CD44: variants seen among roughly 807,000 people sequenced by gnomAD.
CD44 encodes CD44 antigen.
In CD44, 49 loss-of-function variants were observed where a neutral mutation model predicts 88.8. That is an observed-to-expected ratio of 0.55 (90% CI 0.44 to 0.70). The LOEUF (loss-of-function observed/expected upper bound fraction) is 0.70, where lower values mean the gene tolerates loss of function less well. CD44 is among the 30% of genes least tolerant of loss of function. The pLI, the probability that CD44 is intolerant of heterozygous loss-of-function variation, is 0.00. For missense variants in CD44, 883 were observed against 913.8 expected, an observed-to-expected ratio of 0.97 and a Z score of 0.43; for synonymous variants, 325 against 312.3, an observed-to-expected ratio of 1.04 and a Z score of -0.43.
intron 16 of CD44, 124 bp from the exon 17 acceptor site, chr11:35,221,530 G>C: frequency 2.5e-6 from 2 of 803,146 alleles, no homozygotes; most frequent in Non-Finnish European, 2.2e-6. Context: ...GGACCTATTG[G>C]CCAGACCCCC....
intron 1 of CD44, among the ~76,000 whole-genome samples, chr11:35,157,763 G>A (rs1422116360): frequency 6.6e-6 from 1 of 152,196 alleles, no homozygotes; most frequent in Non-Finnish European, 1.5e-5. Flanking sequence ...CTGAACACAT[G>A]CAACATCTGC....
intron 1 of CD44, among the ~76,000 whole-genome samples, chr11:35,171,398 G>A (rs1943869897): frequency 6.6e-6 from 1 of 152,200 alleles, no homozygotes; most frequent in Admixed American, 6.5e-5. Flanking sequence ...CAAGATAAAT[G>A]TAAGCTGTGG....
In CD44 at chr11:35,206,257, A is replaced by C; in HGVS notation, c.1414+14A>C. The stretch of plus-strand genomic sequence containing the variant: ...GAAGAAGGATGGGTAATAGCCTCTG[A>C]GATTTTTATATATTATGTTTTTTGA... On this transcript the variant is annotated intron_variant, in intron 11 of 17. Coordinates refer to ENST00000428726, the MANE Select transcript of CD44 (RefSeq NM_000610.4). 1 of 1,583,722 alleles carries C rather than the reference A, an allele frequency of 6.3e-7. No homozygotes were observed. The highest frequency in any genetic ancestry group is 8.6e-7 in the Non-Finnish European group (1 of 1,169,286).
chr11:35,219,475 C>T, intron 16 of CD44, 88 bp downstream of exon 16: 4 of 867,126 alleles, frequency 4.6e-6, no homozygotes, highest in Admixed American at 3.9e-5. Flanking sequence ...CATTTGAAAG[C>T]ACATTCTCCA....
At chr11:35,206,358 C>A (rs889788011) in intron 11 of CD44, 115 bp downstream of exon 11, 7 of 1,038,746 alleles carry the variant, frequency 6.7e-6, no homozygotes, top group Non-Finnish European at 8.2e-6. Flanking sequence ...TCCTGAAGGA[C>A]CTGAGGTTCT....
Position 35,211,342 on chromosome 11 carries a change from A to C in CD44, c.1703A>C (p.Lys568Thr). Residue 568 changes from lysine (K) to threonine (T), a missense_variant, in exon 14 of 18, where the codon AAG becomes ACG. Lys to Thr is a moderately conservative substitution (Grantham distance 78). Transcript: ENST00000428726. The part of the protein sequence containing the change: ...EGYTSHYPHT[K>T]ESRTFIPVTS... ...TATACCTCTCATTACCCACACACGA[A>C]GGAAAGCAGGACCTTCATCCCAGTG... 1 of 1,614,018 alleles carries C rather than the reference A, an allele frequency of 6.2e-7. No homozygotes were observed. Among genetic ancestry groups the C allele is most frequent in the Admixed American group, 1.7e-5 (1 of 60,024 alleles).
chr11:35,193,091 A>C (rs1228070140), intron 5 of CD44, among the ~76,000 whole-genome samples: 2 of 152,052 alleles, frequency 1.3e-5, no homozygotes, highest in Non-Finnish European at 2.9e-5. Context: ...TGGAGGCTTC[A>C]TGGGTAAAAT....
chr11:35,205,331 A>G (rs191114169), intron 10 of CD44, among the ~76,000 whole-genome samples: 1 of 152,340 alleles, frequency 6.6e-6, no homozygotes, highest in East Asian at 1.9e-4. Context: ...TGTGAATTCC[A>G]TATTCTCACT....
intron 17 of CD44, 112 bp downstream of exon 17, chr11:35,221,844 G>A (rs1347645440): frequency 1.0e-6 from 1 of 978,696 alleles, no homozygotes; most frequent in Non-Finnish European, 1.6e-6. Context: ...TGGGTACCCT[G>A]GGAGTTTGTT....
At chr11:35,178,848 C>A (rs956992568) in intron 2 of CD44, among the ~76,000 whole-genome samples, 2 of 152,154 alleles carry the variant, frequency 1.3e-5, no homozygotes, top group East Asian at 1.9e-4. Context: ...TCACCCATAA[C>A]TGGTATTAAG....
rs1307551174 is a variant in CD44, at chr11:35,214,984, A to AT, written c.1873+71dup. The AT allele has an allele frequency of 1.7e-5, 16 of 919,988 alleles. No individual in the cohort carries two copies. The African/African-American group carries it at 2.2e-4, about 13-fold the overall frequency. The allele number at this position is 919,988 out of a possible 1,614,324, so 57.0% of individuals were successfully genotyped here. ...GCCTAATGATGACTACCAACGAAGT[A>AT]TGAGTCAGTGTCTCCAGAGAAGTGG... On this transcript the variant is annotated intron_variant, in intron 15 of 17. Coordinates refer to ENST00000428726, the MANE Select transcript of CD44 (RefSeq NM_000610.4).
chr11:35,208,029 TCAGCTGTAGAC>T, intron 11 of CD44, 65 bp from the exon 12 acceptor site: 8 of 827,982 alleles, frequency 9.7e-6, no homozygotes, highest in Non-Finnish European at 1.7e-5. Context: ...TTTAAAAAAA[TCAGCTGTAGAC>T]CATAAGCCAC....
intron 5 of CD44, among the ~76,000 whole-genome samples, chr11:35,191,164 C>A (rs1946232888): frequency 6.6e-6 from 1 of 152,176 alleles, no homozygotes; most frequent in Non-Finnish European, 1.5e-5. Flanking sequence ...AAGAGTGTGG[C>A]AGAAATGCGC....
chr11:35,207,327 G>T (rs1161641551), intron 11 of CD44, among the ~76,000 whole-genome samples: 1 of 152,242 alleles, frequency 6.6e-6, no homozygotes, highest in Non-Finnish European at 1.5e-5. Flanking sequence ...CAGAGGCAGT[G>T]ATGTGGATAG....
chr11:35,142,745 T>A (rs185816172), intron 1 of CD44, among the ~76,000 whole-genome samples: 9 of 152,276 alleles, frequency 5.9e-5, no homozygotes, highest in African/African-American at 2.2e-4. Context: ...TAGGAAAATG[T>A]TCCATTTGTT....
chr11:35,217,195 T>C (rs1280544569), intron 15 of CD44, among the ~76,000 whole-genome samples: 1 of 151,970 alleles, frequency 6.6e-6, no homozygotes, highest in African/African-American at 2.4e-5. Flanking sequence ...TGAGCAGGTG[T>C]CTATTGTTCA....
rs180889230 is a variant in CD44, at chr11:35,219,788, C to T, written c.1945+401C>T. Among the ~76,000 whole-genome samples the T allele has an allele frequency of 7.9e-3, 1,204 of 152,302 alleles. 9 individuals carry two copies. The highest frequency in any genetic ancestry group is 0.013 in the Non-Finnish European group (883 of 68,032). The stretch of plus-strand genomic sequence containing the variant: ...GGTGAAGCATGTAATTTTCCTTTTA[C>T]GATTACAGACAGGGAGGAGCTACAA... On this transcript the variant is annotated intron_variant, in intron 16 of 17. Transcript: ENST00000428726.
intron 1 of CD44, among the ~76,000 whole-genome samples, chr11:35,143,127 C>T (rs1283647210): frequency 6.6e-6 from 1 of 151,848 alleles, no homozygotes; most frequent in East Asian, 1.9e-4. Context: ...TACAATATAC[C>T]CAATTTGAGT....
chr11:35,181,678 A>T (rs1050432276), intron 3 of CD44, among the ~76,000 whole-genome samples: 1 of 129,676 alleles, frequency 7.7e-6, no homozygotes, highest in African/African-American at 2.9e-5. Context: ...ACATATATAT[A>T]TATTTATATA....
Sources: allele counts gnomAD v4.1 joint callset (sites outside exome capture counted in the v4.1 genomes callset), GRCh38; gene constraint gnomAD v4.1.1; transcripts MANE v1.5; gene names NCBI Gene and HGNC (gene_info 2026-07-23, HGNC 2026-07-21).